PCSK6: variants seen among roughly 807,000 people sequenced by gnomAD.
PCSK6 encodes proprotein convertase subtilisin/kexin type 6, also known as paired basic amino acid cleaving enzyme 4.
In PCSK6, 85 loss-of-function variants were observed where a neutral mutation model predicts 123.3. That is an observed-to-expected ratio of 0.69 (90% CI 0.58 to 0.83). PCSK6 has a LOEUF of 0.83. Among genes scored for constraint, PCSK6 ranks in the 40% least tolerant of loss-of-function variants. The probability of loss-of-function intolerance (pLI) is 0.00; values close to 1 mark genes in which losing one functional copy is unlikely to be tolerated. For missense variants in PCSK6, 1,191 were observed against 1,282.3 expected, an observed-to-expected ratio of 0.93 and a Z score of 1.09; for synonymous variants, 508 against 516.0, an observed-to-expected ratio of 0.98 and a Z score of 0.21.
At chr15:101,336,332 G>A (rs909123683) in intron 13 of PCSK6, among the ~76,000 whole-genome samples, 2 of 152,202 alleles carry the variant, frequency 1.3e-5, no homozygotes, top group African/African-American at 4.8e-5. Context: ...AGACTGGCAC[G>A]CAGGAGCTGT....
chr15:101,406,129 C>G (rs2042771633), intron 6 of PCSK6, among the ~76,000 whole-genome samples: 2 of 152,168 alleles, frequency 1.3e-5, no homozygotes, highest in Admixed American at 6.5e-5. Flanking sequence ...CGGCCCCAGT[C>G]AGCACGAGAC....
intron 13 of PCSK6, 165 bp downstream of exon 13, chr15:101,366,031 C>T (rs1270333244): frequency 4.5e-6 from 3 of 664,478 alleles, no homozygotes; most frequent in East Asian, 2.9e-5. Flanking sequence ...AGCCACTGAA[C>T]TGTCCACTTA....
chr15:101,364,050 G>C (rs891643067), intron 13 of PCSK6, among the ~76,000 whole-genome samples: 3 of 152,100 alleles, frequency 2.0e-5, no homozygotes, highest in African/African-American at 7.2e-5. Context: ...TTCCACGTAA[G>C]GCAAGTCAAC....
intron 13 of PCSK6, among the ~76,000 whole-genome samples, chr15:101,356,843 G>A (rs1213626795): frequency 6.6e-6 from 1 of 152,198 alleles, no homozygotes; most frequent in Non-Finnish European, 1.5e-5. Flanking sequence ...GTGATCCTGG[G>A]AGGACCCAGA....
intron 1 of PCSK6, among the ~76,000 whole-genome samples, chr15:101,473,563 C>T (rs2057655901): frequency 6.6e-6 from 1 of 152,242 alleles, no homozygotes; most frequent in Admixed American, 6.5e-5. Context: ...AATGAGTTCA[C>T]AGAACTCCAT....
intron 11 of PCSK6, among the ~76,000 whole-genome samples, chr15:101,375,518 T>C (rs1196946643): frequency 2.6e-5 from 4 of 152,176 alleles, no homozygotes; most frequent in Non-Finnish European, 5.9e-5. Flanking sequence ...AAAGAGAAAA[T>C]AAAATATACA....
intron 1 of PCSK6, among the ~76,000 whole-genome samples, chr15:101,467,942 T>C (rs2057505878): frequency 6.6e-6 from 1 of 152,212 alleles, no homozygotes; most frequent in Non-Finnish European, 1.5e-5. Context: ...ATACTGGTAA[T>C]AGCCTAGTCA....
At chr15:101,338,472 G>T (rs2040532698) in intron 13 of PCSK6, among the ~76,000 whole-genome samples, 1 of 152,188 alleles carries the variant, frequency 6.6e-6, no homozygotes, top group Non-Finnish European at 1.5e-5. Flanking sequence ...AGCCACATGG[G>T]TGCAGGAGAA....
chr15:101,473,721 T>C (rs1223208706), intron 1 of PCSK6, among the ~76,000 whole-genome samples: 1 of 152,092 alleles, frequency 6.6e-6, no homozygotes, highest in Non-Finnish European at 1.5e-5. Context: ...CTATTAAAAA[T>C]ATAAAAATTA....
chr15:101,393,566 G>A (rs1296542972), intron 7 of PCSK6, 142 bp from the exon 8 acceptor site: 2 of 632,646 alleles, frequency 3.2e-6, no homozygotes, highest in Non-Finnish European at 2.7e-6. Flanking sequence ...ATGCTGCTGA[G>A]AGCATGGTTT....
chr15:101,481,456 A>G (rs538142560), intron 1 of PCSK6, among the ~76,000 whole-genome samples: 1 of 152,290 alleles, frequency 6.6e-6, no homozygotes, highest in Admixed American at 6.5e-5. Context: ...GAACAACAGA[A>G]GCAAAGCCTG....
At chr15:101,487,864 C>T (rs983506397) in intron 1 of PCSK6, among the ~76,000 whole-genome samples, 4 of 151,996 alleles carry the variant, frequency 2.6e-5, no homozygotes, top group African/African-American at 9.7e-5. Context: ...GTTTGGAGGG[C>T]CTTGAGTGGT....
chr15:101,335,185 C>G (rs1596195989), intron 13 of PCSK6, among the ~76,000 whole-genome samples: 1 of 152,336 alleles, frequency 6.6e-6, no homozygotes, highest in Non-Finnish European at 1.5e-5. Flanking sequence ...GTCTCAAACT[C>G]CTGAGCTCAA....
At chr15:101,472,450 G>A (rs185550392) in intron 1 of PCSK6, among the ~76,000 whole-genome samples, 198 of 152,342 alleles carry the variant, frequency 1.3e-3, no homozygotes, top group African/African-American at 4.4e-3. Context: ...GCCCAAGCTC[G>A]AGACTTGCAA....
At chr15:101,412,712 T>TATATATATAA (rs376981204) in intron 6 of PCSK6, among the ~76,000 whole-genome samples, 6 of 136,364 alleles carry the variant, frequency 4.4e-5, no homozygotes, top group Admixed American at 7.1e-5. Flanking sequence ...TATATATATA[T>TATATATATAA]AAAATTACCC....
At chr15:101,395,527 C>T (rs933363953) in intron 7 of PCSK6, among the ~76,000 whole-genome samples, 2 of 152,160 alleles carry the variant, frequency 1.3e-5, no homozygotes, top group Non-Finnish European at 2.9e-5. Context: ...GGGAAGGAGA[C>T]ATGGAAATGA....
intron 20 of PCSK6, chr15:101,313,131 T>C: frequency 6.9e-7 from 1 of 1,451,242 alleles, no homozygotes; most frequent in South Asian, 1.4e-5. Flanking sequence ...AGCACCTTGC[T>C]ATTCTGCTTC....
chr15:101,365,209 A>G (rs1369651319), intron 13 of PCSK6, among the ~76,000 whole-genome samples: 1 of 152,200 alleles, frequency 6.6e-6, no homozygotes. Flanking sequence ...ACAGGAGTAA[A>G]TCTCTGTGAC....
rs147198734 is a variant in PCSK6, at chr15:101,364,688, A to C, written c.1858+1508T>G. ...GCTAAATAAACAGAAAACTATCCCA[A>C]GTTTATGGACTGGAAGACTTAATAT... On this transcript the variant is annotated intron_variant, in intron 13 of 21. Transcript: ENST00000611716. 6.6e-5 allele frequency among the ~76,000 whole-genome samples: 10 copies of C among 152,358 alleles called. No homozygotes were observed. In the East Asian group the frequency reaches 1.9e-3, roughly 29 times the overall value.
Sources: gnomAD v4.1 joint callset for allele counts (sites outside exome capture counted in the v4.1 genomes callset) on GRCh38, gnomAD v4.1.1 for gene constraint, MANE v1.5 for transcripts, NCBI Gene and HGNC (gene_info 2026-07-23, HGNC 2026-07-21) for gene names.